FAM163A: variants seen among roughly 807,000 people sequenced by gnomAD.
FAM163A encodes protein FAM163A.
Under a neutral mutation model 12.0 loss-of-function variants are expected in FAM163A, and 7 were observed. That is an observed-to-expected ratio of 0.58 (90% CI 0.33 to 1.10). The LOEUF is 1.10. Ranked by LOEUF, FAM163A falls within the 50% of genes least tolerant of loss-of-function variation. The probability of loss-of-function intolerance (pLI) is 0.03; values close to 1 mark genes in which losing one functional copy is unlikely to be tolerated. For synonymous variants in FAM163A, 101 were observed against 91.0 expected, an observed-to-expected ratio of 1.11 and a Z score of -0.62; for missense variants, 202 against 218.6, an observed-to-expected ratio of 0.92 and a Z score of 0.48.
At chr1:179,787,509 C>T (rs1225017156) in intron 1 of FAM163A, among the ~76,000 whole-genome samples, 1 of 152,108 alleles carries the variant, frequency 6.6e-6, no homozygotes, top group Non-Finnish European at 1.5e-5. Context: ...GAGAGCATTG[C>T]TATAATATTA....
intron 1 of FAM163A, among the ~76,000 whole-genome samples, chr1:179,801,581 G>T (rs565952096): frequency 6.6e-6 from 1 of 152,194 alleles, no homozygotes; most frequent in Non-Finnish European, 1.5e-5. Flanking sequence ...GTAGAGAAAG[G>T]TGTATTATTT....
chr1:179,757,829 C>G (rs915232224), intron 1 of FAM163A, among the ~76,000 whole-genome samples: 1 of 146,502 alleles, frequency 6.8e-6, no homozygotes, highest in African/African-American at 2.7e-5. Context: ...CAAAACAAAA[C>G]GAAAAACAGT....
At chr1:179,746,124 G>C (rs189325028) in intron 1 of FAM163A, among the ~76,000 whole-genome samples, 3 of 152,348 alleles carry the variant, frequency 2.0e-5, no homozygotes, top group East Asian at 3.9e-4. Flanking sequence ...CGTTGATGAG[G>C]TTGTAGAAAA....
At chr1:179,781,411 CA>C (rs1689709126) in intron 1 of FAM163A, among the ~76,000 whole-genome samples, 1 of 151,984 alleles carries the variant, frequency 6.6e-6, no homozygotes, top group Admixed American at 6.6e-5. Context: ...TGCAGTATAG[CA>C]TGGGGCACGT....
intron 1 of FAM163A, among the ~76,000 whole-genome samples, chr1:179,756,026 A>T (rs1306732949): frequency 2.0e-5 from 3 of 152,182 alleles, no homozygotes; most frequent in East Asian, 1.9e-4. Flanking sequence ...GATGTGTCTC[A>T]TTGCTGCCTC....
chr1:179,751,183 A>G (rs1385401285), intron 1 of FAM163A, among the ~76,000 whole-genome samples: 1 of 152,114 alleles, frequency 6.6e-6, no homozygotes, highest in African/African-American at 2.4e-5. Context: ...TCTGTTAGTC[A>G]TCAACATCTA....
At chr1:179,768,032 C>T (rs968218413) in intron 1 of FAM163A, among the ~76,000 whole-genome samples, 1 of 149,864 alleles carries the variant, frequency 6.7e-6, no homozygotes, top group Non-Finnish European at 1.5e-5. Context: ...TTGGCCACCA[C>T]ATTTTCTACT....
At chr1:179,807,085 GAA>G (rs111889898) in intron 1 of FAM163A, among the ~76,000 whole-genome samples, 2 of 138,416 alleles carry the variant, frequency 1.4e-5, no homozygotes, top group Non-Finnish European at 1.6e-5. Flanking sequence ...CTGTGTCTCA[GAA>G]AAAAAAAAAA....
At chr1:179,770,193 C>T (rs1426684171) in intron 1 of FAM163A, among the ~76,000 whole-genome samples, 1 of 152,062 alleles carries the variant, frequency 6.6e-6, no homozygotes, top group African/African-American at 2.4e-5. Context: ...GTGTGAGCCA[C>T]CGCGCCTGGC....
intron 1 of FAM163A, among the ~76,000 whole-genome samples, chr1:179,749,223 G>C (rs1195883272): frequency 6.6e-6 from 1 of 152,206 alleles, no homozygotes; most frequent in Admixed American, 6.5e-5. Flanking sequence ...GTGGAGGGCT[G>C]ATGATGGAGA....
chr1:179,729,072 GC>G, the FAM163A span, among the ~76,000 whole-genome samples: 1 of 152,140 alleles, frequency 6.6e-6, no homozygotes, highest in Non-Finnish European at 1.5e-5. Flanking sequence ...TTTTCTTCCT[GC>G]CAGCTGAAAG....
At chr1:179,792,879 AAT>A (rs59009302) in intron 1 of FAM163A, among the ~76,000 whole-genome samples, 29,847 of 148,956 alleles carry the variant, frequency 0.2, 5,220 homozygotes, top group African/African-American at 0.47. Flanking sequence ...CAGATAATAA[AAT>A]ATATATATAT....
Position 179,800,573 on chromosome 1 carries a change from G to C in FAM163A, c.-135-7225G>C, listed in dbSNP as rs571025015. On this transcript the variant is annotated intron_variant, in intron 1 of 4. Coordinates refer to ENST00000341785, the MANE Select transcript of FAM163A (RefSeq NM_173509.3). ...CCCCAGGCCTTCCACAGGTGGACTG[G>C]ACACTGGGGGTCCTGAAACCAGAGG... 1.2e-4 allele frequency among the ~76,000 whole-genome samples: 19 copies of C among 152,332 alleles called. No homozygotes were observed. The East Asian group carries it at 3.5e-3, about 28-fold the overall frequency.
chr1:179,754,239 G>C (rs1685695267), intron 1 of FAM163A, among the ~76,000 whole-genome samples: 1 of 151,946 alleles, frequency 6.6e-6, no homozygotes, highest in African/African-American at 2.4e-5. Context: ...ATACAGGCAG[G>C]GCACTAAGCC....
At chr1:179,760,072 A>G (rs1315859970) in intron 1 of FAM163A, among the ~76,000 whole-genome samples, 1 of 152,206 alleles carries the variant, frequency 6.6e-6, no homozygotes, top group East Asian at 1.9e-4. Context: ...TTTTATAAAG[A>G]TCATCTGTCT....
chr1:179,750,082 T>C (rs1417277774), intron 1 of FAM163A, among the ~76,000 whole-genome samples: 1 of 152,136 alleles, frequency 6.6e-6, no homozygotes, highest in Non-Finnish European at 1.5e-5. Flanking sequence ...AGCGCAGTTT[T>C]GGCAATCAGA....
chr1:179,735,984 A>G, the FAM163A span, among the ~76,000 whole-genome samples: 1 of 152,254 alleles, frequency 6.6e-6, no homozygotes, highest in African/African-American at 2.4e-5. Flanking sequence ...CATGTAAAAT[A>G]ATGAAATTGA....
intron 1 of FAM163A, among the ~76,000 whole-genome samples, chr1:179,800,209 G>A (rs373417205): frequency 6.6e-6 from 1 of 152,348 alleles, no homozygotes; most frequent in Middle Eastern, 3.4e-3. Flanking sequence ...CAGGTTCTCA[G>A]GCTCTGCCAG....
intron 1 of FAM163A, among the ~76,000 whole-genome samples, chr1:179,763,266 A>T (rs929928714): frequency 1.3e-5 from 2 of 152,152 alleles, no homozygotes; most frequent in Non-Finnish European, 2.9e-5. Context: ...TATAGATGTA[A>T]CTTTCCCTTA....
Sources: allele counts gnomAD v4.1 joint callset (sites outside exome capture counted in the v4.1 genomes callset), GRCh38; gene constraint gnomAD v4.1.1; transcripts MANE v1.5; gene names NCBI Gene and HGNC (gene_info 2026-07-23, HGNC 2026-07-21).